BTG4: variants seen among roughly 807,000 people sequenced by gnomAD.
BTG4 encodes the protein protein BTG4.
A neutral mutation model predicts 19.3 loss-of-function variants in BTG4; 10 were observed. The ratio of observed to expected loss-of-function variants is 0.52; its 90% CI spans 0.32 to 0.88. The LOEUF (loss-of-function observed/expected upper bound fraction) is 0.88, where lower values mean the gene tolerates loss of function less well. Ranked by LOEUF, BTG4 falls within the 40% of genes least tolerant of loss-of-function variation. The pLI is 0.04. For missense variants in BTG4, 238 were observed against 281.9 expected (o/e 0.84, Z 1.11); for synonymous variants, 91 against 95.7 (o/e 0.95, Z 0.29).
At chr11:111,444,263 A>T in the BTG4 span, among the ~76,000 whole-genome samples, 1 of 126,474 alleles carries the variant, frequency 7.9e-6, no homozygotes, top group Non-Finnish European at 1.6e-5. Context: ...AGAGGAGAGG[A>T]GAGGGAGGGA....
the BTG4 span, among the ~76,000 whole-genome samples, chr11:111,413,003 G>A: frequency 0.01 from 1,535 of 152,270 alleles, 16 homozygotes; most frequent in African/African-American, 0.033. Context: ...ACGGGTGGTC[G>A]GTGTGAGCAA....
chr11:111,483,899 A>C (rs1258800941), intron 5 of BTG4, among the ~76,000 whole-genome samples: 1 of 152,176 alleles, frequency 6.6e-6, no homozygotes, highest in East Asian at 1.9e-4. Context: ...AAAAAGATTC[A>C]ACCTAAATAA....
At chr11:111,392,360 G>T in the BTG4 span, among the ~76,000 whole-genome samples, 5 of 151,738 alleles carry the variant, frequency 3.3e-5, no homozygotes, top group Non-Finnish European at 7.4e-5. Flanking sequence ...TGCATTCTTA[G>T]TAGAGATGGG....
chr11:111,506,885 C>G (rs570906950), intron 1 of BTG4, among the ~76,000 whole-genome samples: 3 of 151,516 alleles, frequency 2.0e-5, no homozygotes, highest in East Asian at 3.9e-4. Flanking sequence ...AAGATTTTAC[C>G]CAGGAAGTAG....
At chr11:111,427,437 C>G in the BTG4 span, among the ~76,000 whole-genome samples, 1 of 152,190 alleles carries the variant, frequency 6.6e-6, no homozygotes, top group African/African-American at 2.4e-5. Flanking sequence ...AAGGACCGCT[C>G]TGATCTCACC....
At chr11:111,417,221 A>G in the BTG4 span, 1 of 152,246 alleles carries the variant, frequency 6.6e-6, no homozygotes, top group African/African-American at 2.4e-5. Flanking sequence ...ACCAGCCCTG[A>G]TGAAGGATTA....
chr11:111,498,218 A>G, intron 2 of BTG4, 83 bp from the exon 3 acceptor site: 1 of 1,475,664 alleles, frequency 6.8e-7, no homozygotes, highest in Non-Finnish European at 9.3e-7. Context: ...CTGTTCCAAT[A>G]CACATAGCTC....
the BTG4 span, among the ~76,000 whole-genome samples, chr11:111,441,699 G>T: frequency 1.6e-4 from 25 of 152,216 alleles, no homozygotes; most frequent in African/African-American, 5.8e-4. Flanking sequence ...TTGAATGTGT[G>T]ACTAATCCTG....
At chr11:111,466,200 T>C (rs760378864), downstream of BTG4, among the ~76,000 whole-genome samples, 4 of 152,202 alleles carry the variant, frequency 2.6e-5, no homozygotes, top group Non-Finnish European at 5.9e-5. Flanking sequence ...TTATAGAACC[T>C]GGGCCAGAAC....
the BTG4 span, among the ~76,000 whole-genome samples, chr11:111,407,232 C>T: frequency 2.7e-5 from 4 of 147,830 alleles, no homozygotes; most frequent in African/African-American, 9.9e-5. Flanking sequence ...ATAATATATA[C>T]CATGTATGTG....
intron 1 of BTG4, among the ~76,000 whole-genome samples, chr11:111,500,080 T>C (rs866707444): frequency 6.6e-6 from 1 of 151,672 alleles, no homozygotes; most frequent in Non-Finnish European, 1.5e-5. Context: ...AGGTGGAGGA[T>C]GCAGTGAGCC....
chr11:111,439,617 A>T, the BTG4 span, among the ~76,000 whole-genome samples: 1 of 151,812 alleles, frequency 6.6e-6, no homozygotes, highest in African/African-American at 2.4e-5. Context: ...GATGCCGTCC[A>T]GCCCCCTCGT....
chr11:111,497,185 T>C (rs1470601520), intron 4 of BTG4, 26 bp downstream of exon 4: 5 of 1,588,950 alleles, frequency 3.1e-6, no homozygotes, highest in African/African-American at 2.7e-5. Context: ...AAAAAAAGTA[T>C]AGAAAAGAAC....
chr11:111,438,788 T>C, the BTG4 span, among the ~76,000 whole-genome samples: 5 of 152,194 alleles, frequency 3.3e-5, no homozygotes, highest in Admixed American at 2.6e-4. Context: ...AAAGAGAGGA[T>C]GCTAAAGAAG....
At chr11:111,491,734 C>CAAA (rs5794751), downstream of BTG4, among the ~76,000 whole-genome samples, 15 of 99,740 alleles carry the variant, frequency 1.5e-4, no homozygotes, top group East Asian at 2.5e-4. Context: ...GACCTGATCT[C>CAAA]AAAAAAAAAA....
the BTG4 span, among the ~76,000 whole-genome samples, chr11:111,413,676 AG>A: frequency 1.3e-5 from 2 of 152,386 alleles, no homozygotes; most frequent in East Asian, 3.8e-4. Flanking sequence ...ATCCTGGCCA[AG>A]GCAATAGCAG....
chr11:111,415,279 C>A, the BTG4 span, among the ~76,000 whole-genome samples: 1 of 152,206 alleles, frequency 6.6e-6, no homozygotes, highest in Non-Finnish European at 1.5e-5. Context: ...GATCACTTTT[C>A]CCTCCTCCAA....
chr11:111,406,112 A>G, the BTG4 span, among the ~76,000 whole-genome samples: 2 of 152,240 alleles, frequency 1.3e-5, no homozygotes, highest in Middle Eastern at 3.2e-3. Context: ...ATTAGAAGAC[A>G]TAAGTGACTT....
the BTG4 span, among the ~76,000 whole-genome samples, chr11:111,434,343 T>G: frequency 1.3e-5 from 2 of 151,752 alleles, no homozygotes; most frequent in South Asian, 4.2e-4. Flanking sequence ...TAAGTGGGAG[T>G]TGAACAATAA....
Sources: allele counts gnomAD v4.1 joint callset (sites outside exome capture counted in the v4.1 genomes callset), GRCh38; gene constraint gnomAD v4.1.1; transcripts MANE v1.5; gene names NCBI Gene and HGNC (gene_info 2026-07-23, HGNC 2026-07-21).